Variants in FREM1 observed in about 807,000 individuals in gnomAD.
FREM1 encodes the protein FRAS1 related extracellular matrix 1, also known as FRAS1-related extracellular matrix protein 1.
A neutral mutation model predicts 210.1 loss-of-function variants in FREM1; 220 were observed. The observed-to-expected ratio is 1.05, with a 90% CI of 0.94 to 1.17. The LOEUF is 1.17. FREM1 is among the 50% of genes most tolerant of loss of function. FREM1 has a pLI of 0.00. For synonymous variants in FREM1, 1,189 were observed against 980.2 expected (o/e 1.21, Z -3.98); for missense variants, 3,454 against 2,675.5 (o/e 1.29, Z -6.42).
At chr9:14,889,885 C>T (rs745778645) in intron 1 of FREM1, among the ~76,000 whole-genome samples, 3 of 152,120 alleles carry the variant, frequency 2.0e-5, no homozygotes, top group Admixed American at 6.5e-5. Context: ...AAACATTAAG[C>T]GTGAGCATTT....
chr9:14,761,673 C>A (rs1845520543), intron 27 of FREM1, among the ~76,000 whole-genome samples: 1 of 152,154 alleles, frequency 6.6e-6, no homozygotes, highest in South Asian at 2.1e-4. Context: ...TCATGCTGTT[C>A]TGAGTAGTGT....
intron 15 of FREM1, among the ~76,000 whole-genome samples, chr9:14,815,184 T>C (rs1820082558): frequency 6.6e-6 from 1 of 152,172 alleles, no homozygotes; most frequent in African/African-American, 2.4e-5. Flanking sequence ...CACCTAGTGA[T>C]GTAGAAGTGT....
chr9:14,842,224 G>C (rs1399892187), intron 9 of FREM1, 92 bp downstream of exon 9: 1 of 778,656 alleles, frequency 1.3e-6, no homozygotes, highest in Non-Finnish European at 2.1e-6. Flanking sequence ...GACAAACTCG[G>C]ACACAATTTC....
rs1832097877 is a variant in FREM1, at chr9:14,869,056, G to A, written c.-79C>T. 11 of 991,470 alleles carry A rather than the reference G, an allele frequency of 1.1e-5. No homozygotes were observed. In the East Asian group the frequency reaches 2.9e-4, roughly 26 times the overall value. The allele number at this position is 991,470 out of a possible 1,614,324, so 61.4% of individuals were successfully genotyped here. A position where few individuals can be genotyped will look rare whatever the true frequency, so the allele number is the denominator to read the frequency against. ...AGGGCTTCTGTGCTTCCTCCTGGAG[G>A]GTCAGCTCATAGTCCAAGGGGCAGG... On this transcript the variant is annotated 5_prime_UTR_variant, in exon 2 of 37. Transcript: ENST00000380880.
At position 14,857,493 on chromosome 9, in the gene FREM1, G is replaced by C. The variant is rs1828989612; in HGVS notation, c.828+60C>G. 7 of 1,397,184 alleles carry C rather than the reference G, an allele frequency of 5.0e-6. No individual in the cohort carries two copies. In the Admixed American group the frequency reaches 1.2e-4, roughly 23 times the overall value. The allele number at this position is 1,397,184 out of a possible 1,614,324, so 86.5% of individuals were successfully genotyped here. On this transcript the variant is annotated intron_variant, in intron 5 of 36. Coordinates refer to ENST00000380880, the MANE Select transcript of FREM1 (RefSeq NM_001379081.2). ...CATGGGGGCGAGCATGAGTAAGCCTGTGTAACTGGCTCTCTTACTGTGAAT... is the reference window on the plus strand; with the variant it reads ...CATGGGGGCGAGCATGAGTAAGCCTCTGTAACTGGCTCTCTTACTGTGAAT...
intron 16 of FREM1, 47 bp downstream of exon 16, chr9:14,812,763 ACT>A (rs1819628534): frequency 5.2e-6 from 8 of 1,540,638 alleles, no homozygotes; most frequent in Non-Finnish European, 7.0e-6. Flanking sequence ...AGGAGTGGAG[ACT>A]CTCATGTTGC....
intron 14 of FREM1, among the ~76,000 whole-genome samples, chr9:14,817,209 A>C (rs959701440): frequency 6.6e-6 from 1 of 152,174 alleles, no homozygotes; most frequent in Non-Finnish European, 1.5e-5. Flanking sequence ...GGCCAGGAGA[A>C]CCCTCAGACT....
chr9:14,821,489 C>T (rs1376312216), intron 13 of FREM1, among the ~76,000 whole-genome samples: 1 of 152,270 alleles, frequency 6.6e-6, no homozygotes, highest in East Asian at 1.9e-4. Context: ...TAGTGCTAGG[C>T]TATTTGATGG....
intron 16 of FREM1, among the ~76,000 whole-genome samples, chr9:14,809,301 C>A (rs942276320): frequency 6.6e-6 from 1 of 152,128 alleles, no homozygotes; most frequent in Non-Finnish European, 1.5e-5. Flanking sequence ...TGCCCAATTT[C>A]GGGTATGTCT....
intron 10 of FREM1, among the ~76,000 whole-genome samples, chr9:14,825,547 G>GTGTATATATATA: frequency 2.1e-4 from 16 of 75,902 alleles, no homozygotes; most frequent in Middle Eastern, 8.1e-3. Context: ...GTGTGTGTGT[G>GTGTATATATATA]TATATATATA....
chr9:14,757,719 T>C (rs1285391218), intron 28 of FREM1, among the ~76,000 whole-genome samples: 1 of 152,194 alleles, frequency 6.6e-6, no homozygotes, highest in African/African-American at 2.4e-5. Context: ...ATGAAGTGCA[T>C]AATGAAAAGC....
chr9:14,880,174 C>T (rs1399859618), intron 1 of FREM1, among the ~76,000 whole-genome samples: 1 of 152,162 alleles, frequency 6.6e-6, no homozygotes, highest in Non-Finnish European at 1.5e-5. Flanking sequence ...TTGGACTTCC[C>T]AACCTTCAGA....
intron 1 of FREM1, among the ~76,000 whole-genome samples, chr9:14,894,823 A>G (rs1486241299): frequency 6.6e-6 from 1 of 152,360 alleles, no homozygotes. Flanking sequence ...AGTTATTTGC[A>G]TAAGTGCAAT....
chr9:14,747,148 T>C, intron 33 of FREM1, 97 bp from the exon 34 acceptor site: 6 of 1,585,864 alleles, frequency 3.8e-6, no homozygotes, highest in Non-Finnish European at 5.2e-6. Context: ...TGGGAAGCAT[T>C]TGTGTTGGGT....
At chr9:14,860,571 A>ATATGTG (rs1564098947) in intron 3 of FREM1, among the ~76,000 whole-genome samples, 1 of 127,908 alleles carries the variant, frequency 7.8e-6, no homozygotes, top group African/African-American at 3.5e-5. Context: ...ATATATATAC[A>ATATGTG]CATATATATA....
At chr9:14,780,104 A>G (rs1849412992) in intron 24 of FREM1, among the ~76,000 whole-genome samples, 1 of 152,122 alleles carries the variant, frequency 6.6e-6, no homozygotes, top group Non-Finnish European at 1.5e-5. Flanking sequence ...TACATTCTCA[A>G]TGTTTAAAAC....
At chr9:14,738,775 C>G (rs181045804) in intron 36 of FREM1, among the ~76,000 whole-genome samples, 3 of 151,856 alleles carry the variant, frequency 2.0e-5, no homozygotes, top group Non-Finnish European at 2.9e-5. Context: ...TTTGGGAGAC[C>G]GAGGCAGGTG....
At chr9:14,848,127 A>G (rs1319432157) in intron 7 of FREM1, among the ~76,000 whole-genome samples, 1 of 152,242 alleles carries the variant, frequency 6.6e-6, no homozygotes, top group Non-Finnish European at 1.5e-5. Flanking sequence ...AGTGAGAAGG[A>G]AAAGATCTCC....
In FREM1 at chr9:14,859,458, T is replaced by G; in HGVS notation, c.356A>C (p.Glu119Ala). The G allele has an allele frequency of 6.2e-7, 1 of 1,613,058 alleles. No individual in the cohort carries two copies. Among genetic ancestry groups the G allele is most frequent in the Non-Finnish European group, 8.5e-7 (1 of 1,179,392 alleles). ...GAGATAGACCCACAGGATAAAAGTT[T>G]CTATGAAGGTATCTCTTTCAGTAAA... ...YRFTERDTFI[E>A]TFILWVYLLE... Residue 119 changes from glutamate (E) to alanine (A), a missense_variant, in exon 4 of 37, where the codon GAA becomes GCA. Transcript: ENST00000380880.
Sources: allele counts gnomAD v4.1 joint callset (sites outside exome capture counted in the v4.1 genomes callset), GRCh38; gene constraint gnomAD v4.1.1; transcripts MANE v1.5; gene names NCBI Gene and HGNC (gene_info 2026-07-23, HGNC 2026-07-21).